COL14A1: variants seen among roughly 807,000 people sequenced by gnomAD.
COL14A1 encodes collagen type XIV alpha 1 chain, also known as collagen alpha-1(XIV) chain.
COL14A1 carries 136 observed loss-of-function variants against 230.3 expected under a neutral mutation model. That is an observed-to-expected ratio of 0.59 (90% confidence interval 0.51 to 0.68). The LOEUF (loss-of-function observed/expected upper bound fraction) is 0.68. COL14A1 is among the 30% of genes least tolerant of loss of function. The pLI, the probability that COL14A1 is intolerant of heterozygous loss-of-function variation, is 0.00. For missense variants in COL14A1, 1,976 were observed against 2,215.8 expected (o/e 0.89, Z 2.17); for synonymous variants, 792 against 784.1 (o/e 1.01, Z -0.17).
chr8:120,194,793 A>T (rs1302238471), intron 5 of COL14A1, among the ~76,000 whole-genome samples: 1 of 152,224 alleles, frequency 6.6e-6, no homozygotes, highest in African/African-American at 2.4e-5. Flanking sequence ...TCCATTTGAG[A>T]GTAACTTTTC....
rs552101059 is a variant in COL14A1, at chr8:120,273,986, C to G, written c.3213+3812C>G. Among the ~76,000 whole-genome samples the G allele has an allele frequency of 7.3e-5, 11 of 151,724 alleles. No homozygotes were observed. In the East Asian group the frequency reaches 2.1e-3, roughly 29 times the overall value. On this transcript the variant is annotated intron_variant, in intron 26 of 47. Transcript: ENST00000297848. ...ATTCTCACTAAATCTTTTTGTGAAG[C>G]CAGTATTACCTGATACAAAAACCAG... is the stretch of plus-strand genomic sequence containing the variant.
chr8:120,155,534 T>C (rs1055256581), intron 2 of COL14A1, among the ~76,000 whole-genome samples: 6 of 152,166 alleles, frequency 3.9e-5, no homozygotes, highest in African/African-American at 1.4e-4. Context: ...GTTTGCTGTT[T>C]TGAGATGTCA....
At chr8:120,199,676 T>C (rs1189359541) in intron 8 of COL14A1, 110 bp downstream of exon 8, 1 of 1,157,732 alleles carries the variant, frequency 8.6e-7, no homozygotes. Context: ...CCTGAGCACT[T>C]TCTAGTCTTG....
chr8:120,341,388 GC>G (rs756185212), intron 43 of COL14A1, 28 bp downstream of exon 43: 61 of 1,613,124 alleles, frequency 3.8e-5, no homozygotes, highest in Non-Finnish European at 4.7e-5. Flanking sequence ...CTGCTTTCTG[GC>G]CCCAGCTTGT....
chr8:120,225,042 A>C (rs1469542492), intron 14 of COL14A1, 46 bp from the exon 15 acceptor site: 1 of 1,566,440 alleles, frequency 6.4e-7, no homozygotes, highest in Non-Finnish European at 8.7e-7. Flanking sequence ...TGATTCTTAT[A>C]CTTAGCATTA....
intron 42 of COL14A1, among the ~76,000 whole-genome samples, chr8:120,334,237 A>C (rs939460280): frequency 6.6e-6 from 1 of 152,200 alleles, no homozygotes; most frequent in Non-Finnish European, 1.5e-5. Context: ...CATGTGAGGC[A>C]TATGTAGGTA....
chr8:120,218,520 G>A (rs1381093364), intron 14 of COL14A1, among the ~76,000 whole-genome samples: 1 of 151,948 alleles, frequency 6.6e-6, no homozygotes, highest in Non-Finnish European at 1.5e-5. Context: ...ATGTTGTGCA[G>A]GCTAGTCTCA....
chr8:120,229,499 T>G (rs1818200913), intron 18 of COL14A1, among the ~76,000 whole-genome samples: 1 of 152,118 alleles, frequency 6.6e-6, no homozygotes, highest in East Asian at 1.9e-4. Flanking sequence ...ATTTTCTTAA[T>G]CCAGTCTATC....
intron 42 of COL14A1, among the ~76,000 whole-genome samples, chr8:120,335,933 G>A (rs958287832): frequency 1.3e-5 from 2 of 152,196 alleles, no homozygotes; most frequent in Non-Finnish European, 1.5e-5. Context: ...TAGAAGTCAG[G>A]ATACCTGGGT....
At chr8:120,133,336 C>T (rs1235902731) in intron 1 of COL14A1, among the ~76,000 whole-genome samples, 1 of 150,820 alleles carries the variant, frequency 6.6e-6, no homozygotes, top group Admixed American at 6.6e-5. Context: ...CAAAACTTGA[C>T]ACAGCATAAT....
chr8:120,283,433 C>A (rs1430104864), intron 31 of COL14A1, among the ~76,000 whole-genome samples: 2 of 151,924 alleles, frequency 1.3e-5, no homozygotes, highest in East Asian at 3.9e-4. Flanking sequence ...TTAAATGGTG[C>A]TAAGAAAGGG....
chr8:120,210,030 A>G (rs1817574716), intron 12 of COL14A1, 129 bp downstream of exon 12: 2 of 687,198 alleles, frequency 2.9e-6, no homozygotes, highest in South Asian at 1.0e-4. Flanking sequence ...AAAAACACTT[A>G]TAATCCCACC....
intron 4 of COL14A1, among the ~76,000 whole-genome samples, chr8:120,166,834 A>G (rs1001532692): frequency 6.0e-5 from 9 of 151,206 alleles, no homozygotes; most frequent in Non-Finnish European, 1.2e-4. Context: ...GGAGAAAACC[A>G]GGATAAAGCC....
intron 33 of COL14A1, among the ~76,000 whole-genome samples, chr8:120,287,345 A>G (rs1307973518): frequency 1.3e-5 from 2 of 152,196 alleles, no homozygotes; most frequent in African/African-American, 4.8e-5. Context: ...TCCCATTAGC[A>G]GCTCTTAGGA....
chr8:120,183,627 A>T (rs2130650327), intron 5 of COL14A1, among the ~76,000 whole-genome samples: 2 of 152,240 alleles, frequency 1.3e-5, no homozygotes, highest in East Asian at 3.9e-4. Context: ...GAGAAATGTG[A>T]TGCATGTGGT....
At chr8:120,208,465 T>C (rs1817517700) in intron 11 of COL14A1, 104 bp downstream of exon 11, 3 of 1,232,690 alleles carry the variant, frequency 2.4e-6, no homozygotes, top group Non-Finnish European at 3.4e-6. Flanking sequence ...ACATCCTGAA[T>C]CGAATTCAAT....
At chr8:120,325,689 C>A (rs1821639005) in intron 40 of COL14A1, among the ~76,000 whole-genome samples, 1 of 152,094 alleles carries the variant, frequency 6.6e-6, no homozygotes, top group South Asian at 2.1e-4. Flanking sequence ...GATGGGGTTT[C>A]GCCATGTTGT....
At chr8:120,364,452 C>G (rs1314533770) in intron 45 of COL14A1, among the ~76,000 whole-genome samples, 1 of 152,214 alleles carries the variant, frequency 6.6e-6, no homozygotes, top group Non-Finnish European at 1.5e-5. Context: ...AAGGTTGCTT[C>G]ACTCCAGAAA....
chr8:120,145,700 A>G (rs1240557711), intron 1 of COL14A1, among the ~76,000 whole-genome samples: 2 of 152,202 alleles, frequency 1.3e-5, no homozygotes, highest in African/African-American at 4.8e-5. Flanking sequence ...AAGTAAATAA[A>G]TCATATATTA....
Sources: gnomAD v4.1 joint callset for allele counts (sites outside exome capture counted in the v4.1 genomes callset) on GRCh38, gnomAD v4.1.1 for gene constraint, MANE v1.5 for transcripts, NCBI Gene and HGNC (gene_info 2026-07-23, HGNC 2026-07-21) for gene names.